KCNJ3: variants seen among roughly 807,000 people sequenced by gnomAD.
The protein encoded by KCNJ3 is G protein-activated inward rectifier potassium channel 1.
KCNJ3 carries 4 observed loss-of-function variants against 39.2 expected under a neutral mutation model. The observed-to-expected ratio is 0.10, with a 90% CI of 0.05 to 0.23. KCNJ3 has a LOEUF of 0.23. KCNJ3 is among the 10% of genes least tolerant of loss of function. KCNJ3 has a pLI of 1.00. For missense variants in KCNJ3, 276 were observed against 634.9 expected (o/e 0.43, Z 6.08); for synonymous variants, 230 against 237.4 (o/e 0.97, Z 0.29).
intron 2 of KCNJ3, among the ~76,000 whole-genome samples, chr2:154,713,392 A>G (rs1179108381): frequency 1.3e-5 from 2 of 151,908 alleles, no homozygotes; most frequent in African/African-American, 4.8e-5. Context: ...ACCCCTACCC[A>G]ATTTCTCCAT....
At chr2:154,838,496 G>A (rs1016803099) in intron 2 of KCNJ3, among the ~76,000 whole-genome samples, 1 of 152,130 alleles carries the variant, frequency 6.6e-6, no homozygotes, top group Non-Finnish European at 1.5e-5. Context: ...GGGTAGTGAG[G>A]AGAATTATAT....
intron 2 of KCNJ3, among the ~76,000 whole-genome samples, chr2:154,842,169 T>A (rs1321886039): frequency 6.6e-6 from 1 of 152,200 alleles, no homozygotes; most frequent in Non-Finnish European, 1.5e-5. Flanking sequence ...TCAAAGAACA[T>A]CTTTATTTCT....
intron 2 of KCNJ3, among the ~76,000 whole-genome samples, chr2:154,792,347 A>G (rs1241364572): frequency 6.6e-6 from 1 of 152,040 alleles, no homozygotes; most frequent in Non-Finnish European, 1.5e-5. Context: ...ACTCCACTGA[A>G]TATACAATCT....
At chr2:154,728,511 A>T (rs952753831) in intron 2 of KCNJ3, among the ~76,000 whole-genome samples, 17 of 152,168 alleles carry the variant, frequency 1.1e-4, no homozygotes, top group Non-Finnish European at 2.2e-4. Flanking sequence ...GCTTGGTCTC[A>T]CTTTTTGGGA....
chr2:154,788,167 A>G (rs1349201803), intron 2 of KCNJ3, among the ~76,000 whole-genome samples: 2 of 152,182 alleles, frequency 1.3e-5, no homozygotes, highest in Non-Finnish European at 2.9e-5. Context: ...GAGTGAGAAG[A>G]AGCAGACACA....
At chr2:154,775,228 A>G (rs1686312208) in intron 2 of KCNJ3, among the ~76,000 whole-genome samples, 2 of 152,274 alleles carry the variant, frequency 1.3e-5, no homozygotes, top group Middle Eastern at 3.4e-3. Context: ...GTTTTTGCTA[A>G]CTTTTCTTTG....
intron 2 of KCNJ3, among the ~76,000 whole-genome samples, chr2:154,814,874 C>G (rs186201551): frequency 3.4e-4 from 52 of 152,122 alleles, no homozygotes; most frequent in Non-Finnish European, 5.6e-4. Flanking sequence ...TTGTTAAGTT[C>G]TAAGTTCTAA....
intron 2 of KCNJ3, among the ~76,000 whole-genome samples, chr2:154,713,152 C>T (rs995400968): frequency 2.0e-5 from 3 of 151,550 alleles, no homozygotes; most frequent in African/African-American, 4.9e-5. Flanking sequence ...AAAAGCAGAG[C>T]CTGTATTTAT....
At chr2:154,852,205 T>C (rs1401547690) in intron 2 of KCNJ3, among the ~76,000 whole-genome samples, 1 of 152,142 alleles carries the variant, frequency 6.6e-6, no homozygotes, top group African/African-American at 2.4e-5. Context: ...TTGAAGTTTT[T>C]AAAATTAAAA....
At chr2:154,810,651 C>G (rs1039060572) in intron 2 of KCNJ3, among the ~76,000 whole-genome samples, 2 of 152,022 alleles carry the variant, frequency 1.3e-5, no homozygotes, top group Non-Finnish European at 2.9e-5. Context: ...GGTACCATAA[C>G]AGTTGGCTTA....
At chr2:154,725,614 C>T (rs558594612) in intron 2 of KCNJ3, among the ~76,000 whole-genome samples, 1 of 152,056 alleles carries the variant, frequency 6.6e-6, no homozygotes, top group South Asian at 2.1e-4. Context: ...TTCTAAAATT[C>T]TTATGGAACC....
At chr2:154,815,072 C>T (rs190727092) in intron 2 of KCNJ3, among the ~76,000 whole-genome samples, 1 of 152,300 alleles carries the variant, frequency 6.6e-6, no homozygotes, top group Non-Finnish European at 1.5e-5. Flanking sequence ...GGAATAGCTG[C>T]TCCTATCCCT....
chr2:154,750,889 A>C (rs79354304), intron 2 of KCNJ3, among the ~76,000 whole-genome samples: 1 of 152,138 alleles, frequency 6.6e-6, no homozygotes, highest in Non-Finnish European at 1.5e-5. Flanking sequence ...GGTGGTAGAT[A>C]ATTATTTTTC....
intron 2 of KCNJ3, among the ~76,000 whole-genome samples, chr2:154,798,333 G>A (rs915620081): frequency 6.6e-6 from 1 of 152,026 alleles, no homozygotes; most frequent in South Asian, 2.1e-4. Flanking sequence ...CCTCAAATAT[G>A]TCAACTCTTC....
chr2:154,799,492 G>A (rs1013746791), intron 2 of KCNJ3, among the ~76,000 whole-genome samples: 2 of 152,090 alleles, frequency 1.3e-5, no homozygotes, highest in African/African-American at 4.8e-5. Flanking sequence ...TGGGGTCTAG[G>A]GTGAGGAGGA....
At position 154,855,115 on chromosome 2, in the gene KCNJ3, A is replaced by T. The variant is rs2105143271; in HGVS notation, c.1308A>T (p.Lys436Asn). The change falls in exon 3 of 3, where the codon AAA becomes AAT. Residue 436 changes from lysine (K) to asparagine (N), a missense_variant. Physicochemically the swap from Lys to Asn is moderately conservative, Grantham distance 94. Transcript: ENST00000295101. Reference sequence around the variant, plus strand: ...ACAGCTTGGGAGACTTGCCCATGAAACTTCAACGAATAAGTTCAGTTCCGG... The same window carrying T: ...ACAGCTTGGGAGACTTGCCCATGAATCTTCAACGAATAAGTTCAGTTCCGG... ...KAYSLGDLPM[K>N]LQRISSVPGN... The T allele has an allele frequency of 6.2e-7, 1 of 1,614,106 alleles. No homozygotes were observed. Among genetic ancestry groups the T allele is most frequent in the Non-Finnish European group, 8.5e-7 (1 of 1,179,974 alleles).
At chr2:154,851,270 A>G (rs904026652) in intron 2 of KCNJ3, among the ~76,000 whole-genome samples, 5 of 152,176 alleles carry the variant, frequency 3.3e-5, no homozygotes, top group Middle Eastern at 3.2e-3. Flanking sequence ...TCTCATAGCC[A>G]GTGACTTTTA....
chr2:154,798,797 G>A (rs909518880), intron 2 of KCNJ3, among the ~76,000 whole-genome samples: 40 of 152,092 alleles, frequency 2.6e-4, no homozygotes, highest in African/African-American at 7.7e-4. Flanking sequence ...AGACTATTTT[G>A]TTGTATGTTT....
chr2:154,711,317 A>T (rs1174933987), intron 2 of KCNJ3, among the ~76,000 whole-genome samples: 1 of 152,126 alleles, frequency 6.6e-6, no homozygotes, highest in Non-Finnish European at 1.5e-5. Context: ...GCTTAAAAAC[A>T]GATGTTGCCA....
Sources: gnomAD v4.1 joint callset for allele counts (sites outside exome capture counted in the v4.1 genomes callset) on GRCh38, gnomAD v4.1.1 for gene constraint, MANE v1.5 for transcripts, NCBI Gene and HGNC (gene_info 2026-07-23, HGNC 2026-07-21) for gene names.